PCDHA12: variants seen among roughly 807,000 people sequenced by gnomAD.
PCDHA12 encodes the protein protocadherin alpha-12.
Under a neutral mutation model 60.0 loss-of-function variants are expected in PCDHA12, and 44 were observed. The observed-to-expected ratio is 0.73, with a 90% CI of 0.58 to 0.94. The LOEUF (loss-of-function observed/expected upper bound fraction) is 0.94. PCDHA12 is among the 40% of genes least tolerant of loss of function. The probability of loss-of-function intolerance (pLI) is 0.00; values close to 1 mark genes in which losing one functional copy is unlikely to be tolerated. For missense variants in PCDHA12, 1,276 were observed against 1,239.7 expected, an observed-to-expected ratio of 1.03 and a Z score of -0.44; for synonymous variants, 569 against 553.0, an observed-to-expected ratio of 1.03 and a Z score of -0.40.
intron 1 of PCDHA12, chr5:140,926,832 G>C: frequency 6.6e-7 from 1 of 1,505,338 alleles, no homozygotes; most frequent in Non-Finnish European, 8.9e-7. Context: ...GGAGTCCGGA[G>C]CATGGTCCTG....
chr5:140,898,711 T>A (rs1280268769), intron 1 of PCDHA12, among the ~76,000 whole-genome samples: 2 of 152,226 alleles, frequency 1.3e-5, no homozygotes, highest in Non-Finnish European at 2.9e-5. Flanking sequence ...AAGTAGTTTT[T>A]TCCAATTCTG....
chr5:140,905,980 G>A (rs2072263534), intron 1 of PCDHA12, among the ~76,000 whole-genome samples: 1 of 152,178 alleles, frequency 6.6e-6, no homozygotes, highest in Non-Finnish European at 1.5e-5. Context: ...CAGCATGGGA[G>A]AAAGATGTAG....
At chr5:140,983,438 C>T (rs1233600670) in intron 3 of PCDHA12, among the ~76,000 whole-genome samples, 2 of 152,224 alleles carry the variant, frequency 1.3e-5, no homozygotes, top group Non-Finnish European at 2.9e-5. Flanking sequence ...ATTGTGTCTA[C>T]TCTAATCCTC....
At chr5:140,890,697 C>G (rs1479609896) in intron 1 of PCDHA12, among the ~76,000 whole-genome samples, 1 of 152,124 alleles carries the variant, frequency 6.6e-6, no homozygotes, top group Non-Finnish European at 1.5e-5. Context: ...ATGCAGGGAC[C>G]TTACATTTTT....
chr5:140,939,171 T>C (rs2092330047), intron 1 of PCDHA12, among the ~76,000 whole-genome samples: 1 of 152,170 alleles, frequency 6.6e-6, no homozygotes. Flanking sequence ...TGTCTGGTAA[T>C]GGCCCACTCC....
chr5:140,883,330 T>G, intron 1 of PCDHA12: 3 of 1,614,182 alleles, frequency 1.9e-6, no homozygotes, highest in Middle Eastern at 1.6e-4. Flanking sequence ...CCATCACTTC[T>G]TTGTCACTCC....
intron 1 of PCDHA12, chr5:140,882,928 C>T: frequency 6.2e-7 from 1 of 1,614,140 alleles, no homozygotes; most frequent in Non-Finnish European, 8.5e-7. Context: ...GAGGTAAACC[C>T]GAGCTGACTG....
chr5:140,924,945 A>T (rs200246310), intron 1 of PCDHA12, among the ~76,000 whole-genome samples: 4 of 64,382 alleles, frequency 6.2e-5, no homozygotes, highest in African/African-American at 1.9e-4. Context: ...ATAAAAAGTT[A>T]AAAAAAAAAT....
chr5:140,882,717 C>G (rs1311295002), intron 1 of PCDHA12: 1 of 1,614,102 alleles, frequency 6.2e-7, no homozygotes, highest in South Asian at 1.1e-5. Flanking sequence ...CCTCCGGAAA[C>G]TCGATTTCCA....
chr5:140,967,021 C>G, intron 1 of PCDHA12: 2 of 1,607,830 alleles, frequency 1.2e-6, no homozygotes, highest in Non-Finnish European at 1.7e-6. Context: ...TGGGTGCGCC[C>G]AGTCCGCGCT....
intron 1 of PCDHA12, chr5:140,929,360 C>T (rs781864515): frequency 6.6e-7 from 1 of 1,519,748 alleles, no homozygotes; most frequent in Admixed American, 2.2e-5. Context: ...TTCCTTTGGC[C>T]CGGAGATGGC....
intron 1 of PCDHA12, among the ~76,000 whole-genome samples, chr5:140,901,937 A>G (rs2068997026): frequency 6.7e-6 from 1 of 148,692 alleles, no homozygotes; most frequent in South Asian, 2.1e-4. Context: ...ATTCCTAGGT[A>G]TATTTAGTTT....
Position 140,982,561 on chromosome 5 carries a change from C to T in PCDHA12, c.2513C>T (p.Pro838Leu), listed in dbSNP as rs560422677. 11 of 1,614,060 alleles carry T rather than the reference C, an allele frequency of 6.8e-6. No individual in the cohort carries two copies. Among genetic ancestry groups the T allele is most frequent in the Non-Finnish European group, 9.3e-6 (11 of 1,179,970 alleles). Residue 838 changes from proline to leucine, a missense_variant and splice_region_variant, in exon 3 of 4, where the codon CCA becomes CTA. Pro to Leu is a moderately conservative substitution (Grantham distance 98). Coordinates refer to ENST00000398631, the MANE Select transcript of PCDHA12 (RefSeq NM_018903.4). Reference protein sequence around the residue: ...QQWPTVSSATPEPEAGEVSPP... With the variant: ...QQWPTVSSATLEPEAGEVSPP... ...TGGCCAACAGTATCCAGTGCAACAC[C>T]AGGTAAAGAGCTGGGGTCTCTCCAT...
chr5:141,000,345 C>A (rs1395527046), intron 3 of PCDHA12, among the ~76,000 whole-genome samples: 7 of 116,650 alleles, frequency 6.0e-5, no homozygotes, highest in African/African-American at 2.4e-4. Context: ...CCCTATCTCT[C>A]TCTCTGTCTC....
intron 1 of PCDHA12, among the ~76,000 whole-genome samples, chr5:140,914,944 CT>C (rs35695909): frequency 0.29 from 37,051 of 128,010 alleles, 4,894 homozygotes; most frequent in East Asian, 0.5. Flanking sequence ...GAAAAGTTGT[CT>C]TTTTTTTTTT....
At chr5:140,985,020 C>G (rs1361661147) in intron 3 of PCDHA12, among the ~76,000 whole-genome samples, 1 of 152,110 alleles carries the variant, frequency 6.6e-6, no homozygotes, top group Non-Finnish European at 1.5e-5. Flanking sequence ...TCACAGCAAC[C>G]TCTGCCTCCT....
rs566700844 is a variant in PCDHA12, at chr5:140,926,191, C to T, written c.2367+48352C>T. On this transcript the variant is annotated intron_variant, in intron 1 of 3. Coordinates refer to ENST00000398631, the MANE Select transcript of PCDHA12 (RefSeq NM_018903.4). Reference sequence around the variant, plus strand: ...CCAGCGCGGAAAGCCCCCCGCAGCACTTCTTTCGGGGGGCTCCTGTTTCCT... The same window carrying T: ...CCAGCGCGGAAAGCCCCCCGCAGCATTTCTTTCGGGGGGCTCCTGTTTCCT... Among the ~76,000 whole-genome samples the T allele has an allele frequency of 8.1e-3, 1,227 of 151,838 alleles. 6 individuals carry two copies. Among genetic ancestry groups the T allele is most frequent in the African/African-American group, 0.019 (793 of 41,542 alleles).
chr5:141,005,335 G>A, intron 3 of PCDHA12, among the ~76,000 whole-genome samples: 1 of 152,148 alleles, frequency 6.6e-6, no homozygotes, highest in Middle Eastern at 3.2e-3. Context: ...ATAGGCCAAG[G>A]GGGTGCTGCT....
At chr5:140,910,619 C>T (rs1554194336) in intron 1 of PCDHA12, among the ~76,000 whole-genome samples, 1 of 152,226 alleles carries the variant, frequency 6.6e-6, no homozygotes, top group Non-Finnish European at 1.5e-5. Context: ...TAATCCACTC[C>T]ACCATCCCAA....
Sources: allele counts gnomAD v4.1 joint callset (sites outside exome capture counted in the v4.1 genomes callset), GRCh38; gene constraint gnomAD v4.1.1; transcripts MANE v1.5; gene names NCBI Gene and HGNC (gene_info 2026-07-23, HGNC 2026-07-21).